The following NNT variants were observed in gnomAD, a reference collection of about 807,000 sequenced individuals.
NNT encodes NAD(P) transhydrogenase, mitochondrial.
In NNT, 50 loss-of-function variants were observed where a neutral mutation model predicts 104.8. The ratio of observed to expected loss-of-function variants is 0.48; its 90% CI spans 0.38 to 0.60. The LOEUF is 0.60. NNT is among the 20% of genes least tolerant of loss of function. The probability of loss-of-function intolerance (pLI) is 0.00; values close to 1 mark genes in which losing one functional copy is unlikely to be tolerated. For missense variants in NNT, 1,131 were observed against 1,330.7 expected (o/e 0.85, Z 2.33); for synonymous variants, 461 against 490.4 (o/e 0.94, Z 0.79).
chr5:43,673,542 G>T (rs1242446765), intron 17 of NNT, among the ~76,000 whole-genome samples: 2 of 152,088 alleles, frequency 1.3e-5, no homozygotes, highest in East Asian at 3.8e-4. Flanking sequence ...CATATATTTT[G>T]ATAACAATTT....
chr5:43,631,527 TA>T (rs1375376025), intron 7 of NNT, among the ~76,000 whole-genome samples: 1 of 152,154 alleles, frequency 6.6e-6, no homozygotes, highest in Non-Finnish European at 1.5e-5. Context: ...TAGAGGGTGC[TA>T]AAACATTTAC....
At chr5:43,690,918 T>C (rs1182623492) in intron 19 of NNT, among the ~76,000 whole-genome samples, 1 of 152,248 alleles carries the variant, frequency 6.6e-6, no homozygotes, top group Non-Finnish European at 1.5e-5. Context: ...AGCTTTTTTT[T>C]AGTAAAAAAG....
In NNT at chr5:43,609,209, T is replaced by G; in HGVS notation, c.14T>G (p.Leu5Trp). The change falls in exon 2 of 22, where the codon TTG (leucine) becomes TGG (tryptophan). Residue 5 changes from leucine to tryptophan, a missense_variant. Leu to Trp is a moderately conservative substitution (Grantham distance 61). Coordinates refer to ENST00000344920, the MANE Select transcript of NNT (RefSeq NM_182977.3). MANL[L>W]KTVVTGCSCP... The stretch of plus-strand genomic sequence containing the variant: ...ACTCATATCAACATGGCAAACCTAT[T>G]GAAAACAGTGGTGACTGGCTGCTCG... 6.2e-7 allele frequency: 1 copy of G among 1,613,664 alleles called. No individual in the cohort carries two copies. The highest frequency in any genetic ancestry group is 2.2e-5 in the East Asian group (1 of 44,870).
intron 19 of NNT, among the ~76,000 whole-genome samples, chr5:43,688,892 C>G (rs1742118628): frequency 6.6e-6 from 1 of 152,152 alleles, no homozygotes; most frequent in South Asian, 2.1e-4. Flanking sequence ...GAATTCTTTT[C>G]CTCTGGGTAG....
At chr5:43,675,050 A>G (rs944339355) in intron 17 of NNT, among the ~76,000 whole-genome samples, 2 of 152,146 alleles carry the variant, frequency 1.3e-5, no homozygotes, top group Non-Finnish European at 2.9e-5. Flanking sequence ...TCTTGATGAC[A>G]GAGGGCAGCA....
Position 43,656,785 on chromosome 5 carries a change from G to A in NNT, c.2426G>A (p.Gly809Asp). Residue 809 changes from glycine to aspartate, a missense_variant, in exon 16 of 22, where the codon GGT (glycine) becomes GAT (aspartate). Coordinates refer to ENST00000344920, the MANE Select transcript of NNT (RefSeq NM_182977.3). ...PSFTTGITCLGSVSALSAVMG... is the reference protein window; with the variant it reads ...PSFTTGITCLDSVSALSAVMG... ...TTTACTACTGGCATCACCTGTCTGG[G>A]TTCAGTGTCTGCTCTCTCTGCTGTC... The A allele has an allele frequency of 6.2e-7, 1 of 1,613,918 alleles. No homozygotes were observed. The highest frequency in any genetic ancestry group is 2.2e-5 in the East Asian group (1 of 44,868).
In NNT at chr5:43,649,503, G is replaced by A. The variant is rs74863720; in HGVS notation, c.1606+195G>A. On this transcript the variant is annotated intron_variant, in intron 11 of 21. Transcript: ENST00000344920. ...TGGGCCTGCAGAGTAAGAGGCCGTGGGAGTGTGTCAGCTCTTTGGGCTGCT... is the reference window on the plus strand; with the variant it reads ...TGGGCCTGCAGAGTAAGAGGCCGTGAGAGTGTGTCAGCTCTTTGGGCTGCT... Among the ~76,000 whole-genome samples the A allele has an allele frequency of 9.5e-3, 1,448 of 152,208 alleles. 18 individuals carry two copies. The highest frequency in any genetic ancestry group is 0.034 in the African/African-American group (1,394 of 41,508).
chr5:43,691,484 T>G (rs1181157154), intron 19 of NNT, among the ~76,000 whole-genome samples: 1 of 152,212 alleles, frequency 6.6e-6, no homozygotes, highest in Non-Finnish European at 1.5e-5. Flanking sequence ...CTTTTAAATC[T>G]GTAGTTCTAT....
intron 5 of NNT, among the ~76,000 whole-genome samples, 154 bp from the exon 6 acceptor site, chr5:43,623,876 ACT>A (rs1750225190): frequency 6.6e-6 from 1 of 152,114 alleles, no homozygotes; most frequent in South Asian, 2.1e-4. Flanking sequence ...TAGTCTATGT[ACT>A]CCATACAGTT....
intron 7 of NNT, among the ~76,000 whole-genome samples, chr5:43,643,975 A>G (rs1373887182): frequency 6.6e-6 from 1 of 152,186 alleles, no homozygotes; most frequent in African/African-American, 2.4e-5. Context: ...TGCCAGCCAC[A>G]TGGCTTCCTC....
At chr5:43,678,442 T>C (rs1741533666) in intron 19 of NNT, among the ~76,000 whole-genome samples, 1 of 152,248 alleles carries the variant, frequency 6.6e-6, no homozygotes, top group South Asian at 2.1e-4. Flanking sequence ...TAGCGTCAAC[T>C]CAAATATTAT....
intron 19 of NNT, among the ~76,000 whole-genome samples, chr5:43,685,775 AG>A (rs1741955628): frequency 6.6e-6 from 1 of 152,146 alleles, no homozygotes; most frequent in Non-Finnish European, 1.5e-5. Context: ...CACATGCCCA[AG>A]AAAACTGCTG....
Position 43,615,991 on chromosome 5 carries a change from G to A in NNT, c.525G>A (p.Leu175=). The A allele has an allele frequency of 6.2e-7, 1 of 1,614,082 alleles. No homozygotes were observed. Among genetic ancestry groups the A allele is most frequent in the Non-Finnish European group, 8.5e-7 (1 of 1,180,002 alleles). ...TTTCCCAAAGAAAAACTACAGTTCT[G>A]GCAATGGACCAGGTTCCAAGAGTCA... ...NKLSQRKTTV[L]AMDQVPRVTI... is the part of the protein sequence containing the mutation. The change falls in exon 4 of 22, where the codon CTG becomes CTA. Residue 175 remains leucine (L), a synonymous_variant. Coordinates refer to ENST00000344920, the MANE Select transcript of NNT (RefSeq NM_182977.3).
rs1357885041 is a variant in NNT, at chr5:43,665,795, G to C, written c.2634+6445G>C. Among the ~76,000 whole-genome samples, 5 of 137,894 alleles carry C rather than the reference G, an allele frequency of 3.6e-5. 1 individual carries two copies. Among genetic ancestry groups the C allele is most frequent in the Non-Finnish European group, 8.5e-5 (5 of 58,876 alleles). 90.5% of individuals were successfully genotyped at this position (137,894 alleles called of 152,430 possible). On this transcript the variant is annotated intron_variant, in intron 17 of 21. Transcript: ENST00000344920. ...GGGCAGAGGGGCTCACTTCCCAGACGGGGCAGCCAGGCAGAGGCGCACCCC... is the reference window on the plus strand; with the variant it reads ...GGGCAGAGGGGCTCACTTCCCAGACCGGGCAGCCAGGCAGAGGCGCACCCC...
At chr5:43,658,960 A>AT (rs920570794) in intron 16 of NNT, among the ~76,000 whole-genome samples, 20 of 150,198 alleles carry the variant, frequency 1.3e-4, no homozygotes, top group African/African-American at 2.4e-4. Context: ...AAATGTAGGG[A>AT]TTTTTTTTTA....
intron 12 of NNT, among the ~76,000 whole-genome samples, chr5:43,651,354 A>C (rs1016077651): frequency 1.7e-4 from 26 of 152,110 alleles, no homozygotes; most frequent in African/African-American, 6.3e-4. Flanking sequence ...AGGCGGGTAG[A>C]TCACCTGAGG....
intron 17 of NNT, among the ~76,000 whole-genome samples, chr5:43,666,196 C>A (rs541414794): frequency 1.3e-5 from 2 of 152,290 alleles, no homozygotes; most frequent in South Asian, 4.1e-4. Context: ...GGGGTGGTGG[C>A]AGGGCAGAGG....
At chr5:43,689,979 A>G (rs1742179905) in intron 19 of NNT, among the ~76,000 whole-genome samples, 1 of 150,796 alleles carries the variant, frequency 6.6e-6, no homozygotes, top group Non-Finnish European at 1.5e-5. Flanking sequence ...AAAAAGCATT[A>G]AAAAAAAATG....
At chr5:43,628,107 T>C (rs1032905681) in intron 6 of NNT, 93 bp from the exon 7 acceptor site, 2 of 950,020 alleles carry the variant, frequency 2.1e-6, no homozygotes, top group African/African-American at 1.7e-5. Context: ...ATATATAGTT[T>C]GTTGTTCTTA....
Sources: gnomAD v4.1 joint callset for allele counts (sites outside exome capture counted in the v4.1 genomes callset) on GRCh38, gnomAD v4.1.1 for gene constraint, MANE v1.5 for transcripts, NCBI Gene and HGNC (gene_info 2026-07-23, HGNC 2026-07-21) for gene names.